Variants in EPB41L3 observed in about 807,000 individuals in gnomAD.
The protein encoded by EPB41L3 is erythrocyte membrane protein band 4.1 like 3.
EPB41L3 carries 57 observed loss-of-function variants against 127.1 expected under a neutral mutation model. That is an observed-to-expected ratio of 0.45 (90% CI 0.36 to 0.56). EPB41L3 has a LOEUF of 0.56. Among genes scored for constraint, EPB41L3 ranks in the 20% least tolerant of loss-of-function variants. The probability of loss-of-function intolerance (pLI) is 0.00; values close to 1 mark genes in which losing one functional copy is unlikely to be tolerated. For synonymous variants in EPB41L3, 572 were observed against 549.5 expected, an observed-to-expected ratio of 1.04 and a Z score of -0.57; for missense variants, 1,273 against 1,372.2, an observed-to-expected ratio of 0.93 and a Z score of 1.14.
chr18:5,405,110 G>A (rs190466743), intron 16 of EPB41L3, among the ~76,000 whole-genome samples: 2 of 152,294 alleles, frequency 1.3e-5, no homozygotes, highest in East Asian at 3.9e-4. Context: ...CTAGGTTTGG[G>A]ATTGTCATGA....
At chr18:5,437,420 T>C (rs1031721325) in intron 6 of EPB41L3, among the ~76,000 whole-genome samples, 7 of 152,152 alleles carry the variant, frequency 4.6e-5, no homozygotes, top group Non-Finnish European at 1.0e-4. Context: ...TTTCTATTGT[T>C]TATCAATCAA....
rs35194563 is a variant in EPB41L3 at position 5,499,829 on chromosome 18, G to GTATATATATATATA, written c.-11-10649_-11-10636dup. On this transcript the variant is annotated intron_variant, in intron 1 of 22. Transcript: ENST00000341928. The stretch of plus-strand genomic sequence containing the variant: ...CCTACTACATACTTACTATGTGTGT[G>GTATATATATATATA]TATATATATATATATATATGGCATT... 3.5e-3 allele frequency among the ~76,000 whole-genome samples: 441 copies of GTATATATATATATA among 124,624 alleles called. 6 individuals carry two copies. The highest frequency in any genetic ancestry group is 0.013 in the African/African-American group (415 of 32,172). The allele number at this position is 124,624 out of a possible 152,430, so 81.8% of individuals were successfully genotyped here. A position where few individuals can be genotyped will look rare whatever the true frequency, so the allele number is the denominator to read the frequency against.
Position 5,540,822 on chromosome 18 carries a change from C to T in EPB41L3, c.-12+3091G>A, listed in dbSNP as rs552158147. Among the ~76,000 whole-genome samples the T allele has an allele frequency of 1.8e-4, 27 of 152,234 alleles. No homozygotes were observed. The South Asian group carries it at 4.6e-3, about 26-fold the overall frequency. ...TCTCTCCGCCGGGCGCGGTGGCTCACGCCTGTAATCCCAGCACTTTGGGAG... is the reference window on the plus strand; with the variant it reads ...TCTCTCCGCCGGGCGCGGTGGCTCATGCCTGTAATCCCAGCACTTTGGGAG... On this transcript the variant is annotated intron_variant, in intron 1 of 22. Coordinates refer to ENST00000341928, the MANE Select transcript of EPB41L3 (RefSeq NM_012307.5).
chr18:5,408,522 G>A (rs1004235032), intron 14 of EPB41L3, among the ~76,000 whole-genome samples: 2 of 151,750 alleles, frequency 1.3e-5, no homozygotes, highest in African/African-American at 2.4e-5. Flanking sequence ...TGATCTGCCC[G>A]CCTCAGCCTC....
intron 2 of EPB41L3, among the ~76,000 whole-genome samples, chr18:5,484,086 CAAAAAAAAAAAAAAAA>C (rs57231548): frequency 0.011 from 209 of 18,256 alleles, no homozygotes; most frequent in African/African-American, 0.024. Context: ...CAAACAAACT[CAAAAAAAAAAAAAAAA>C]AAAAAAAAAA....
intron 1 of EPB41L3, among the ~76,000 whole-genome samples, chr18:5,615,161 A>G (rs941473371): frequency 2.0e-5 from 3 of 152,182 alleles, no homozygotes; most frequent in South Asian, 2.1e-4. Flanking sequence ...TCAGAGAAAA[A>G]AAAAGCACAA....
At chr18:5,604,665 G>A (rs193043353) in intron 3 of EPB41L3, among the ~76,000 whole-genome samples, 1 of 152,194 alleles carries the variant, frequency 6.6e-6, no homozygotes, top group Non-Finnish European at 1.5e-5. Flanking sequence ...TGTTGGCCAG[G>A]CTGGTCTCGA....
upstream of EPB41L3, among the ~76,000 whole-genome samples, chr18:5,545,261 C>T (rs1441761181): frequency 1.3e-5 from 2 of 152,088 alleles, no homozygotes; most frequent in African/African-American, 4.8e-5. Flanking sequence ...CCTCCAGGAG[C>T]TCAGGGACTC....
intron 3 of EPB41L3, among the ~76,000 whole-genome samples, chr18:5,598,808 C>A (rs939181348): frequency 5.3e-5 from 8 of 152,110 alleles, no homozygotes; most frequent in African/African-American, 1.9e-4. Context: ...TAGGAGTATA[C>A]CATGTATGTG....
intron 5 of EPB41L3, among the ~76,000 whole-genome samples, chr18:5,439,524 A>G (rs2080354852): frequency 6.6e-6 from 1 of 152,236 alleles, no homozygotes; most frequent in South Asian, 2.1e-4. Context: ...AATTCTTAAC[A>G]CTACCATTGA....
At chr18:5,429,059 G>A (rs559678205) in intron 8 of EPB41L3, among the ~76,000 whole-genome samples, 11 of 152,138 alleles carry the variant, frequency 7.2e-5, no homozygotes, top group African/African-American at 9.6e-5. Flanking sequence ...ATTTAAATAC[G>A]AAATAGTTTT....
intron 19 of EPB41L3, 60 bp downstream of exon 19, chr18:5,396,141 A>T: frequency 6.3e-7 from 1 of 1,597,258 alleles, no homozygotes; most frequent in Non-Finnish European, 8.6e-7. Flanking sequence ...ATGTAAACAC[A>T]CTAGGCCATA....
intron 11 of EPB41L3, among the ~76,000 whole-genome samples, chr18:5,422,397 A>G (rs1326988454): frequency 6.6e-6 from 1 of 152,226 alleles, no homozygotes; most frequent in Non-Finnish European, 1.5e-5. Flanking sequence ...GGCAGAGCTG[A>G]GACTCTCAGG....
chr18:5,561,008 C>G lies in EPB41L3; in HGVS notation c.-306+51332G>C, dbSNP rs368699549. 4.6e-5 allele frequency among the ~76,000 whole-genome samples: 6 copies of G among 131,596 alleles called. 2 individuals carry two copies. Among genetic ancestry groups the G allele is most frequent in the African/African-American group, 2.6e-5 (1 of 38,008 alleles). 86.3% of individuals were successfully genotyped at this position (131,596 alleles called of 152,430 possible). A position where few individuals can be genotyped will look rare whatever the true frequency, so the allele number is the denominator to read the frequency against. On this transcript the variant is annotated intron_variant, in intron 3 of 21. Transcript: ENST00000545076. ...ATTTATTTATTTTGAGATGGAGTCT[C>G]GCTCTGTCGCCCAGGCTGGAGTGCA...
chr18:5,491,916 C>T (rs1354607527), intron 1 of EPB41L3, among the ~76,000 whole-genome samples: 2 of 152,104 alleles, frequency 1.3e-5, no homozygotes, highest in African/African-American at 4.8e-5. Context: ...GTATGGATGG[C>T]CTAGATCAGC....
At position 5,601,144 on chromosome 18, in the gene EPB41L3, G is replaced by C. The variant is rs984632882; in HGVS notation, c.-306+11196C>G. Among the ~76,000 whole-genome samples the C allele has an allele frequency of 5.3e-5, 8 of 152,150 alleles. No individual in the cohort carries two copies. In the South Asian group the frequency reaches 1.2e-3, roughly 24 times the overall value. ...ATGCAGGCATTTGAAGACGTTGGGA[G>C]GGGGAAGGGCTTCTGAACTGAACAA... On this transcript the variant is annotated intron_variant, in intron 3 of 21. Coordinates refer to the EPB41L3 transcript ENST00000545076.
chr18:5,474,698 T>C (rs1333873632), intron 3 of EPB41L3, among the ~76,000 whole-genome samples: 2 of 152,194 alleles, frequency 1.3e-5, no homozygotes, highest in Admixed American at 1.3e-4. Context: ...TCATTCTTAA[T>C]TCATCTGTAA....
chr18:5,415,980 A>G lies in EPB41L3; in HGVS notation c.1905T>C (p.Cys635=), dbSNP rs1181981161. The G allele has an allele frequency of 6.2e-7, 1 of 1,614,120 alleles. No homozygotes were observed. Among genetic ancestry groups the G allele is most frequent in the South Asian group, 1.1e-5 (1 of 91,074 alleles). ...LPIRSPSLVP[C]FLFIFFFLLS... ...GCAGAAAGAAAAAGATGAAGAGGAAACAGGGCACAAGGGACGGTGAGCGGA... is the reference window on the plus strand; with the variant it reads ...GCAGAAAGAAAAAGATGAAGAGGAAGCAGGGCACAAGGGACGGTGAGCGGA... The change falls in exon 13 of 23, where the codon TGT becomes TGC. Residue 635 remains cysteine, a synonymous_variant. Transcript: ENST00000341928.
rs527729200 is a variant in EPB41L3, at chr18:5,405,614, ATCCCACTTCTAT to A, written c.2349+1151_2349+1162del. On this transcript the variant is annotated intron_variant, in intron 16 of 22. Coordinates refer to ENST00000341928, the MANE Select transcript of EPB41L3 (RefSeq NM_012307.5). The stretch of plus-strand genomic sequence containing the variant: ...AGATCAGCCTGACCAACATGTTGAA[ATCCCACTTCTAT>A]TAAAAATACAAAAAAATTAGCCAAG... Among the ~76,000 whole-genome samples, 412 of 152,116 alleles carry A rather than the reference ATCCCACTTCTAT, an allele frequency of 2.7e-3. 4 individuals carry two copies. Among genetic ancestry groups the A allele is most frequent in the African/African-American group, 9.8e-3 (406 of 41,488 alleles).
Sources: gnomAD v4.1 joint callset for allele counts (sites outside exome capture counted in the v4.1 genomes callset) on GRCh38, gnomAD v4.1.1 for gene constraint, MANE v1.5 for transcripts, NCBI Gene and HGNC (gene_info 2026-07-23, HGNC 2026-07-21) for gene names.